ARNT: variants seen among roughly 807,000 people sequenced by gnomAD.
ARNT encodes class E basic helix-loop-helix protein 2.
Under a neutral mutation model 105.0 loss-of-function variants are expected in ARNT, and 30 were observed. The ratio of observed to expected loss-of-function variants is 0.29; its 90% CI spans 0.21 to 0.39. The LOEUF (loss-of-function observed/expected upper bound fraction) is 0.39. ARNT is among the 10% of genes least tolerant of loss of function. The pLI, the probability that ARNT is intolerant of heterozygous loss-of-function variation, is 1.00. For synonymous variants in ARNT, 304 were observed against 344.0 expected, an observed-to-expected ratio of 0.88 and a Z score of 1.29; for missense variants, 748 against 978.7, an observed-to-expected ratio of 0.76 and a Z score of 3.15.
intron 3 of ARNT, among the ~76,000 whole-genome samples, chr1:150,850,433 C>T (rs587718796): frequency 1.7e-4 from 26 of 152,358 alleles, no homozygotes; most frequent in East Asian, 7.7e-4. Flanking sequence ...AGTCGCGCGC[C>T]GCCACGCCTG....
At chr1:150,857,195 C>T (rs1227698170) in intron 2 of ARNT, among the ~76,000 whole-genome samples, 1 of 152,152 alleles carries the variant, frequency 6.6e-6, no homozygotes, top group East Asian at 1.9e-4. Flanking sequence ...TTGTGAACAT[C>T]TTTCTACACT....
intron 3 of ARNT, among the ~76,000 whole-genome samples, chr1:150,852,034 CTCCG>C (rs1663699202): frequency 1.4e-5 from 2 of 144,362 alleles, no homozygotes; most frequent in South Asian, 4.9e-4. Context: ...CAGAGCAAGA[CTCCG>C]TCTCAAAAAA....
chr1:150,854,181 G>A (rs1302601723), intron 2 of ARNT, among the ~76,000 whole-genome samples: 1 of 152,132 alleles, frequency 6.6e-6, no homozygotes. Context: ...GAGCTCCTGG[G>A]CTCAAGGGAT....
chr1:150,846,204 C>T, intron 4 of ARNT, 59 bp downstream of exon 4: 1 of 1,460,244 alleles, frequency 6.8e-7, no homozygotes. Flanking sequence ...CTAGGACTGT[C>T]TGGTTCTACA....
intron 1 of ARNT, among the ~76,000 whole-genome samples, chr1:150,864,294 G>A (rs1249513385): frequency 2.0e-5 from 3 of 152,030 alleles, no homozygotes; most frequent in Non-Finnish European, 2.9e-5. Context: ...GATGACCAAA[G>A]TGTCATTAGG....
intron 6 of ARNT, 26 bp downstream of exon 6, chr1:150,839,415 C>T (rs190071544): frequency 1.9e-6 from 3 of 1,612,618 alleles, no homozygotes; most frequent in Admixed American, 3.3e-5. Context: ...ATTCCAGACT[C>T]TCTCAGAACT....
chr1:150,834,004 G>A (rs987813091), intron 8 of ARNT, among the ~76,000 whole-genome samples: 2 of 150,226 alleles, frequency 1.3e-5, no homozygotes, highest in South Asian at 4.2e-4. Flanking sequence ...GCACAATCTC[G>A]GCTCACTGCA....
intron 3 of ARNT, among the ~76,000 whole-genome samples, chr1:150,851,987 G>C (rs1663686337): frequency 6.6e-6 from 1 of 151,828 alleles, no homozygotes; most frequent in African/African-American, 2.4e-5. Flanking sequence ...GGCGGAGGTT[G>C]CAGTGAGCCG....
At position 150,817,975 on chromosome 1, in the gene ARNT, G is replaced by C; in HGVS notation, c.1450C>G (p.Leu484Val). The C allele has an allele frequency of 6.2e-7, 1 of 1,613,836 alleles. No homozygotes were observed. Among genetic ancestry groups the C allele is most frequent in the South Asian group, 1.1e-5 (1 of 91,002 alleles). Reference sequence around the variant, plus strand: ...AGGGGTAAATTAGCTGTGGGACCTAGTTGTGGCCTCTGGATTGTGTTGGAG... The same window carrying C: ...AGGGGTAAATTAGCTGTGGGACCTACTTGTGGCCTCTGGATTGTGTTGGAG... ...TLSNTIQRPQ[L>V]GPTANLPLEM... The change falls in exon 15 of 22, where the codon CTA becomes GTA. Residue 484 changes from leucine to valine, a missense_variant. Transcript: ENST00000358595.
chr1:150,852,631 A>G, intron 3 of ARNT, 131 bp downstream of exon 3: 2 of 756,312 alleles, frequency 2.6e-6, no homozygotes, highest in Non-Finnish European at 2.1e-6. Context: ...TCTGAGATAT[A>G]TGAATATTTA....
At chr1:150,828,117 C>G (rs1459939358) in intron 12 of ARNT, among the ~76,000 whole-genome samples, 3 of 152,006 alleles carry the variant, frequency 2.0e-5, no homozygotes, top group Non-Finnish European at 4.4e-5. Context: ...TAATAATATC[C>G]TTTAAAGAGG....
chr1:150,815,730 G>A (rs1332910490), intron 19 of ARNT, among the ~76,000 whole-genome samples: 4 of 150,824 alleles, frequency 2.7e-5, no homozygotes, highest in Non-Finnish European at 4.4e-5. Flanking sequence ...GCGCAGTGGC[G>A]GGCGCCTGTA....
Position 150,834,619 on chromosome 1 carries a change from G to GT in ARNT, c.721dup (p.Thr241AsnfsTer32). On this transcript the variant is annotated frameshift_variant, in exon 8 of 22. Transcript: ENST00000358595. LOFTEE classifies it high-confidence loss of function. ...CTGACCTTCCTTTTTCACTGTTCCA[G>GT]TCTTTAGATCCAGGATACGCCCTGA... 1 of 1,613,944 alleles carries GT rather than the reference G, an allele frequency of 6.2e-7. No individual in the cohort carries two copies. The highest frequency in any genetic ancestry group is 1.3e-5 in the African/African-American group (1 of 75,020).
intron 19 of ARNT, among the ~76,000 whole-genome samples, chr1:150,814,532 AACAGT>A (rs1166709432): frequency 1.3e-5 from 2 of 152,254 alleles, no homozygotes; most frequent in Non-Finnish European, 2.9e-5. Context: ...AGGCATTCAT[AACAGT>A]AAAGTATTAT....
At chr1:150,857,381 ATC>A (rs947809051) in intron 2 of ARNT, among the ~76,000 whole-genome samples, 1 of 152,220 alleles carries the variant, frequency 6.6e-6, no homozygotes, top group Non-Finnish European at 1.5e-5. Flanking sequence ...CATATCCTAT[ATC>A]TGACACTTAC....
intron 3 of ARNT, among the ~76,000 whole-genome samples, chr1:150,850,058 A>C (rs1663031766): frequency 6.6e-6 from 1 of 152,194 alleles, no homozygotes; most frequent in South Asian, 2.1e-4. Flanking sequence ...TCTCAAAAAA[A>C]CAAACAAATA....
In ARNT at chr1:150,817,178, C is replaced by G; in HGVS notation, c.1603G>C (p.Gly535Arg). The G allele has an allele frequency of 6.2e-7, 1 of 1,614,146 alleles. No individual in the cohort carries two copies. Among genetic ancestry groups the G allele is most frequent in the African/African-American group, 1.3e-5 (1 of 75,028 alleles). Residue 535 changes from glycine to arginine, a missense_variant, in exon 17 of 22, where the codon GGA (glycine) becomes CGA (arginine). This residue lies in a region of ARNT where 360 missense variants were observed against 411.9 expected (regional missense o/e 0.87). Coordinates refer to ENST00000358595, the MANE Select transcript of ARNT (RefSeq NM_001668.4). ...SQVVQPVTTT[G>R]PEHSKPLEKS... ...TCAAGGGGCTTGCTGTGTTCTGGTC[C>G]TGTGGTTGTCACAGGCTGAACCACC...
At chr1:150,824,432 G>A (rs943954273) in intron 13 of ARNT, among the ~76,000 whole-genome samples, 4 of 151,158 alleles carry the variant, frequency 2.6e-5, no homozygotes, top group East Asian at 1.9e-4. Context: ...CCCGAAACCT[G>A]AGAACATCTG....
At chr1:150,859,584 T>C (rs1665242192) in intron 1 of ARNT, among the ~76,000 whole-genome samples, 2 of 151,954 alleles carry the variant, frequency 1.3e-5, no homozygotes, top group Admixed American at 6.6e-5. Context: ...CTCAAACTCC[T>C]GAGCTCAAGC....
Sources: gnomAD v4.1 joint callset for allele counts (sites outside exome capture counted in the v4.1 genomes callset) on GRCh38, gnomAD v4.1.1 for gene constraint, gnomAD v4.1.1 regional missense constraint, MANE v1.5 for transcripts, NCBI Gene and HGNC (gene_info 2026-07-23, HGNC 2026-07-21) for gene names.